The following CBLB variants were observed in gnomAD, a reference collection of about 807,000 sequenced individuals.
CBLB encodes the protein E3 ubiquitin-protein ligase CBL-B.
A neutral mutation model predicts 104.9 loss-of-function variants in CBLB; 31 were observed. That is an observed-to-expected ratio of 0.30 (90% confidence interval 0.22 to 0.40). The LOEUF (loss-of-function observed/expected upper bound fraction) is 0.40. Among genes scored for constraint, CBLB ranks in the 10% least tolerant of loss-of-function variants. CBLB has a pLI of 1.00. For missense variants in CBLB, 1,062 were observed against 1,214.6 expected (o/e 0.87, Z 1.87); for synonymous variants, 440 against 422.6 (o/e 1.04, Z -0.51).
At chr3:105,683,828 A>G (rs2066639544) in intron 14 of CBLB, among the ~76,000 whole-genome samples, 1 of 152,212 alleles carries the variant, frequency 6.6e-6, no homozygotes, top group African/African-American at 2.4e-5. Context: ...AGGAGTGTTT[A>G]GGTTCTTGCT....
intron 18 of CBLB, among the ~76,000 whole-genome samples, chr3:105,664,493 C>T (rs2064152828): frequency 6.6e-6 from 1 of 152,122 alleles, no homozygotes; most frequent in Admixed American, 6.6e-5. Context: ...TAGAAGGCTG[C>T]ACTTGAAAAT....
intron 4 of CBLB, among the ~76,000 whole-genome samples, chr3:105,769,970 T>G (rs112821393): frequency 1.0e-3 from 153 of 152,254 alleles, no homozygotes; most frequent in African/African-American, 3.5e-3. Context: ...GAGAATTTTA[T>G]GTATGGAGAG....
intron 3 of CBLB, among the ~76,000 whole-genome samples, chr3:105,822,880 T>C (rs2086074353): frequency 6.6e-6 from 1 of 152,206 alleles, no homozygotes; most frequent in Admixed American, 6.5e-5. Flanking sequence ...ACAAACATAG[T>C]TGCTTCCCCA....
intron 3 of CBLB, among the ~76,000 whole-genome samples, chr3:105,847,121 G>A (rs1413641165): frequency 6.6e-6 from 1 of 151,818 alleles, no homozygotes; most frequent in Non-Finnish European, 1.5e-5. Flanking sequence ...TATCTTCAAC[G>A]TACCAATTGC....
At chr3:105,715,796 T>C (rs1040146623) in intron 10 of CBLB, among the ~76,000 whole-genome samples, 1 of 152,168 alleles carries the variant, frequency 6.6e-6, no homozygotes, top group African/African-American at 2.4e-5. Flanking sequence ...CCCAGCACTT[T>C]GGGAGGCTGA....
chr3:105,849,129 T>G (rs1273540889), intron 3 of CBLB, among the ~76,000 whole-genome samples: 3 of 152,188 alleles, frequency 2.0e-5, no homozygotes, highest in Non-Finnish European at 1.5e-5. Context: ...AGACTCAGTT[T>G]GCATTTGGAA....
intron 10 of CBLB, among the ~76,000 whole-genome samples, chr3:105,709,307 A>AG (rs1280359506): frequency 2.0e-5 from 3 of 151,936 alleles, no homozygotes; most frequent in African/African-American, 7.2e-5. Context: ...TTATAAATTT[A>AG]GGGGTATGCA....
chr3:105,768,310 T>C (rs1323799749), intron 4 of CBLB, among the ~76,000 whole-genome samples: 1 of 152,044 alleles, frequency 6.6e-6, no homozygotes, highest in Non-Finnish European at 1.5e-5. Flanking sequence ...ATGCCAGAGA[T>C]TATAAAAATC....
At chr3:105,756,276 C>A (rs972164642) in intron 4 of CBLB, among the ~76,000 whole-genome samples, 1 of 152,042 alleles carries the variant, frequency 6.6e-6, no homozygotes, top group Non-Finnish European at 1.5e-5. Flanking sequence ...GAAAATTGAA[C>A]ATGGTTGCTG....
intron 2 of CBLB, among the ~76,000 whole-genome samples, chr3:105,855,613 T>C (rs752049462): frequency 6.6e-6 from 1 of 152,200 alleles, no homozygotes; most frequent in East Asian, 1.9e-4. Flanking sequence ...TAGCCTACCA[T>C]GGGAACAGTG....
At chr3:105,830,192 C>A (rs2087271200) in intron 3 of CBLB, among the ~76,000 whole-genome samples, 1 of 152,100 alleles carries the variant, frequency 6.6e-6, no homozygotes, top group Non-Finnish European at 1.5e-5. Context: ...CCTTACAAAT[C>A]CCCATGAACC....
chr3:105,869,313 G>A (rs1213808279), upstream of CBLB: 2 of 1,159,732 alleles, frequency 1.7e-6, no homozygotes, highest in South Asian at 2.6e-5. Flanking sequence ...TGGACGAAGG[G>A]ATGCAAGGCA....
rs115501580 is a variant in CBLB at position 105,664,690 on chromosome 3, A to G, written c.2690-5461T>C. On this transcript the variant is annotated intron_variant, in intron 18 of 18. Transcript: ENST00000394030. ...TCTTAAAGGCCTCAGCTGCACAAGT[A>G]TCTAAGACTGAGAACCAGAGATCGA... Among the ~76,000 whole-genome samples, 966 of 152,312 alleles carry G rather than the reference A, an allele frequency of 6.3e-3. 12 individuals carry two copies. The highest frequency in any genetic ancestry group is 0.022 in the African/African-American group (920 of 41,554).
intron 9 of CBLB, among the ~76,000 whole-genome samples, chr3:105,725,285 C>T (rs2073443520): frequency 6.6e-6 from 1 of 151,950 alleles, no homozygotes; most frequent in Non-Finnish European, 1.5e-5. Context: ...TGCTTGAATC[C>T]AATTTAAAAT....
intron 18 of CBLB, among the ~76,000 whole-genome samples, chr3:105,667,341 A>G (rs948593651): frequency 1.3e-5 from 2 of 152,186 alleles, no homozygotes; most frequent in African/African-American, 2.4e-5. Context: ...CTGTAGTACA[A>G]TATGTCTTAC....
chr3:105,853,694 C>T, intron 2 of CBLB, 30 bp from the exon 3 acceptor site: 2 of 1,464,654 alleles, frequency 1.4e-6, no homozygotes, highest in African/African-American at 1.4e-5. Flanking sequence ...TAAAATAAGT[C>T]ATAATATTTT....
intron 4 of CBLB, among the ~76,000 whole-genome samples, chr3:105,754,749 G>A (rs2076928186): frequency 6.6e-6 from 1 of 152,178 alleles, no homozygotes; most frequent in South Asian, 2.1e-4. Flanking sequence ...CCATGCACCT[G>A]TAATAATAAT....
intron 12 of CBLB, among the ~76,000 whole-genome samples, chr3:105,701,694 C>T (rs1314727949): frequency 1.3e-5 from 2 of 149,942 alleles, no homozygotes; most frequent in Non-Finnish European, 2.9e-5. Context: ...ACCTGGGAGG[C>T]AGAGGTTGCA....
intron 3 of CBLB, among the ~76,000 whole-genome samples, chr3:105,847,898 T>G (rs1000421371): frequency 6.6e-6 from 1 of 152,118 alleles, no homozygotes; most frequent in Non-Finnish European, 1.5e-5. Flanking sequence ...AATGACAACC[T>G]TCACATCCAT....
Sources: allele counts gnomAD v4.1 joint callset (sites outside exome capture counted in the v4.1 genomes callset), GRCh38; gene constraint gnomAD v4.1.1; transcripts MANE v1.5; gene names NCBI Gene and HGNC (gene_info 2026-07-23, HGNC 2026-07-21).